The following MRTFA variants were observed in gnomAD, a reference collection of about 807,000 sequenced individuals.
MRTFA encodes the protein myocardin related transcription factor A.
Under a neutral mutation model 83.5 loss-of-function variants are expected in MRTFA, and 20 were observed. The ratio of observed to expected loss-of-function variants is 0.24; its 90% confidence interval spans 0.17 to 0.35. The LOEUF (loss-of-function observed/expected upper bound fraction) is 0.35, where lower values mean the gene tolerates loss of function less well. Among genes scored for constraint, MRTFA ranks in the 10% least tolerant of loss-of-function variants. The pLI, the probability that MRTFA is intolerant of heterozygous loss-of-function variation, is 1.00. For synonymous variants in MRTFA, 659 were observed against 541.2 expected, an observed-to-expected ratio of 1.22 and a Z score of -3.02; for missense variants, 1,200 against 1,224.7, an observed-to-expected ratio of 0.98 and a Z score of 0.30.
intron 1 of MRTFA, among the ~76,000 whole-genome samples, chr22:40,621,654 A>T (rs2056524535): frequency 6.6e-6 from 1 of 152,202 alleles, no homozygotes; most frequent in Non-Finnish European, 1.5e-5. Flanking sequence ...CAAAAACTCT[A>T]CTCAGTTGCA....
chr22:40,489,163 GTA>G (rs1162517792), intron 3 of MRTFA, among the ~76,000 whole-genome samples: 1 of 151,984 alleles, frequency 6.6e-6, no homozygotes. Context: ...TTTTCACTGG[GTA>G]TCTTTGAGTA....
rs201904461 is a variant in MRTFA at position 40,498,270 on chromosome 22, TATA to T, written c.242-34987_242-34985del. ...CACACTTCATATATATATATATATA[TATA>T]TTTTTTTTTTTTTTTTTTTTTTTTT... On this transcript the variant is annotated intron_variant, in intron 3 of 14. Coordinates refer to ENST00000355630, the MANE Select transcript of MRTFA (RefSeq NM_020831.6). Among the ~76,000 whole-genome samples the T allele has an allele frequency of 6.1e-4, 55 of 89,734 alleles. 2 individuals carry two copies. Among genetic ancestry groups the T allele is most frequent in the African/African-American group, 2.4e-3 (45 of 18,418 alleles). 58.9% of individuals were successfully genotyped at this position (89,734 alleles called of 152,430 possible).
chr22:40,536,339 G>A (rs1345285578), intron 3 of MRTFA, among the ~76,000 whole-genome samples: 1 of 150,330 alleles, frequency 6.7e-6, no homozygotes, highest in Non-Finnish European at 1.5e-5. Context: ...GCCGCCGCCC[G>A]ACCGCCGGGA....
intron 9 of MRTFA, among the ~76,000 whole-genome samples, chr22:40,422,446 C>G (rs1419763291): frequency 6.6e-6 from 1 of 152,206 alleles, no homozygotes; most frequent in African/African-American, 2.4e-5. Context: ...GGGGGAAAAG[C>G]AGGGACACCT....
At chr22:40,459,270 C>T (rs1394465815) in intron 4 of MRTFA, among the ~76,000 whole-genome samples, 3 of 145,634 alleles carry the variant, frequency 2.1e-5, no homozygotes, top group South Asian at 2.2e-4. Flanking sequence ...AAAAGAGCCT[C>T]GTTTTTGGGA....
At chr22:40,476,156 G>GT (rs2053993498) in intron 3 of MRTFA, among the ~76,000 whole-genome samples, 1 of 136,784 alleles carries the variant, frequency 7.3e-6, no homozygotes, top group Non-Finnish European at 1.6e-5. Flanking sequence ...AAAAAAAAAA[G>GT]GGGGGGGGTC....
At chr22:40,536,080 T>G (rs2055166828) in intron 3 of MRTFA, among the ~76,000 whole-genome samples, 1 of 147,834 alleles carries the variant, frequency 6.8e-6, no homozygotes, top group Admixed American at 6.7e-5. Context: ...GGGTTGAAAC[T>G]AGAAGTTAGA....
intron 3 of MRTFA, among the ~76,000 whole-genome samples, chr22:40,481,272 G>A (rs995430904): frequency 5.3e-5 from 8 of 152,100 alleles, no homozygotes; most frequent in Non-Finnish European, 7.4e-5. Context: ...TTGCTTCCTG[G>A]TACAACTTCC....
chr22:40,410,498 G>A lies in MRTFA; in HGVS notation c.*892C>T. 4.3e-6 allele frequency: 1 copy of A among 233,372 alleles called. No individual in the cohort carries two copies. 14.5% of individuals were successfully genotyped at this position (233,372 alleles called of 1,614,324 possible). On this transcript the variant is annotated 3_prime_UTR_variant, in exon 15 of 15. Coordinates refer to ENST00000355630, the MANE Select transcript of MRTFA (RefSeq NM_020831.6). ...CTGTCCTAGGGCCACGCTGGCTGCAGTGAGGCGGCGGGGACGGAATGTGAG... is the reference window on the plus strand; with the variant it reads ...CTGTCCTAGGGCCACGCTGGCTGCAATGAGGCGGCGGGGACGGAATGTGAG...
intron 4 of MRTFA, among the ~76,000 whole-genome samples, chr22:40,462,191 C>T (rs1415374102): frequency 6.6e-6 from 1 of 152,136 alleles, no homozygotes; most frequent in Non-Finnish European, 1.5e-5. Flanking sequence ...CTGAACTTAC[C>T]AACTGCATTT....
intron 3 of MRTFA, among the ~76,000 whole-genome samples, chr22:40,520,823 T>C (rs554608809): frequency 1.7e-4 from 26 of 152,334 alleles, no homozygotes; most frequent in African/African-American, 5.1e-4. Context: ...ACATGTGGGT[T>C]GTTTCCACTT....
Position 40,417,362 on chromosome 22 carries a change from C to G in MRTFA, c.2496G>C (p.Met832Ile). 1.2e-6 allele frequency: 2 copies of G among 1,611,618 alleles called. No homozygotes were observed. Among genetic ancestry groups the G allele is most frequent in the East Asian group, 4.5e-5 (2 of 44,878 alleles). The change falls in exon 13 of 15, where the codon ATG becomes ATC. Residue 832 changes from methionine (M) to isoleucine (I), a missense_variant. Met to Ile is a conservative substitution (Grantham distance 10). Coordinates refer to ENST00000355630, the MANE Select transcript of MRTFA (RefSeq NM_020831.6). ...TCACCTGCTGTTTGGGCTGCTGGCT[C>G]ATGGCTTCCTCATAGCCAGGTGGTT... is the stretch of plus-strand genomic sequence containing the variant.
At chr22:40,571,288 T>C (rs2147345317) in intron 2 of MRTFA, among the ~76,000 whole-genome samples, 1 of 152,114 alleles carries the variant, frequency 6.6e-6, no homozygotes. Flanking sequence ...GGATCAACGA[T>C]CTAAATGTAA....
chr22:40,472,444 T>C (rs956871242), intron 3 of MRTFA, among the ~76,000 whole-genome samples: 6 of 152,254 alleles, frequency 3.9e-5, no homozygotes, highest in African/African-American at 1.4e-4. Context: ...TTAAGGCACA[T>C]CATCTTTTGC....
Position 40,419,155 on chromosome 22 carries a change from G to A in MRTFA, c.1583C>T (p.Pro528Leu). 6.3e-7 allele frequency: 1 copy of A among 1,585,598 alleles called. No individual in the cohort carries two copies. Among genetic ancestry groups the A allele is most frequent in the Non-Finnish European group, 8.6e-7 (1 of 1,165,774 alleles). The stretch of plus-strand genomic sequence containing the variant: ...CACCGTGGCCACCACCACCTCAGCT[G>A]GAGCCAGGCCTGCTGCCACCAGGGC... The change falls in exon 12 of 15, where the codon CCA (proline) becomes CTA (leucine). Residue 528 changes from proline (P) to leucine (L), a missense_variant. Physicochemically the swap from Pro to Leu is moderately conservative, Grantham distance 98. Transcript: ENST00000355630.
intron 2 of MRTFA, among the ~76,000 whole-genome samples, chr22:40,589,368 T>A (rs1291220576): frequency 6.6e-6 from 1 of 152,208 alleles, no homozygotes; most frequent in Non-Finnish European, 1.5e-5. Flanking sequence ...AAGTGCCAAA[T>A]GCCTATTTAA....
chr22:40,593,292 C>T (rs1362873852), intron 2 of MRTFA, among the ~76,000 whole-genome samples: 1 of 152,146 alleles, frequency 6.6e-6, no homozygotes, highest in Non-Finnish European at 1.5e-5. Flanking sequence ...TAGTTCAAGA[C>T]ACTGAGTCAC....
intron 3 of MRTFA, among the ~76,000 whole-genome samples, chr22:40,528,394 G>C (rs898805576): frequency 6.6e-6 from 1 of 152,084 alleles, no homozygotes; most frequent in African/African-American, 2.4e-5. Flanking sequence ...AAAGTGGAGG[G>C]CAAGAATTTT....
chr22:40,577,331 G>T (rs73887836), intron 2 of MRTFA, among the ~76,000 whole-genome samples: 1,654 of 151,502 alleles, frequency 0.011, 29 homozygotes, highest in African/African-American at 0.038. Context: ...TGATATGAGT[G>T]TATTTCCAAC....
Sources: allele counts gnomAD v4.1 joint callset (sites outside exome capture counted in the v4.1 genomes callset), GRCh38; gene constraint gnomAD v4.1.1; transcripts MANE v1.5; gene names NCBI Gene and HGNC (gene_info 2026-07-23, HGNC 2026-07-21).